The following KCNAB1 variants were observed in gnomAD, a reference collection of about 807,000 sequenced individuals.
KCNAB1 encodes the protein potassium voltage-gated channel subfamily A regulatory beta subunit 1.
In KCNAB1, 35 loss-of-function variants were observed where a neutral mutation model predicts 64.6. That is an observed-to-expected ratio of 0.54 (90% CI 0.41 to 0.72). The LOEUF (loss-of-function observed/expected upper bound fraction) is 0.72. KCNAB1 is among the 30% of genes least tolerant of loss of function. The pLI is 0.00. For synonymous variants in KCNAB1, 177 were observed against 183.8 expected, an observed-to-expected ratio of 0.96 and a Z score of 0.30; for missense variants, 401 against 512.9, an observed-to-expected ratio of 0.78 and a Z score of 2.11.
In KCNAB1 at chr3:156,344,760, T is replaced by G. The variant is rs910859523; in HGVS notation, c.276-76856T>G. 2.6e-5 allele frequency among the ~76,000 whole-genome samples: 4 copies of G among 152,258 alleles called. No homozygotes were observed. The South Asian group carries it at 8.3e-4, about 32-fold the overall frequency. On this transcript the variant is annotated intron_variant, in intron 1 of 13. Transcript: ENST00000490337. ...AGGAAAAAAATAAAAAGAAATAAACTGAGAGAATAGCATACAACTAAATGG... is the reference window on the plus strand; with the variant it reads ...AGGAAAAAAATAAAAAGAAATAAACGGAGAGAATAGCATACAACTAAATGG...
intron 12 of KCNAB1, 30 bp from the exon 13 acceptor site, chr3:156,531,379 A>G: frequency 6.5e-7 from 1 of 1,539,980 alleles, no homozygotes; most frequent in Non-Finnish European, 9.0e-7. Flanking sequence ...AAGTGCTTTG[A>G]TAAACTGACC....
intron 11 of KCNAB1, among the ~76,000 whole-genome samples, chr3:156,522,777 C>G (rs1718040643): frequency 6.6e-6 from 1 of 152,204 alleles, no homozygotes; most frequent in Admixed American, 6.5e-5. Context: ...TGGCCCACTG[C>G]CTGTTGCAGA....
intron 1 of KCNAB1, among the ~76,000 whole-genome samples, chr3:156,230,412 A>G (rs890365191): frequency 2.0e-5 from 3 of 152,214 alleles, no homozygotes; most frequent in Admixed American, 6.5e-5. Context: ...GGGCTATGCC[A>G]TTTAGGTCTG....
chr3:156,446,180 G>A lies in KCNAB1; in HGVS notation c.320-6719G>A, dbSNP rs141869038. ...AAGGCTCAGCCCATAGCTCAAAGGA[G>A]AACATGCTCACCAGGGTAATGACCT... On this transcript the variant is annotated intron_variant, in intron 2 of 13. Coordinates refer to ENST00000490337, the MANE Select transcript of KCNAB1 (RefSeq NM_172160.3). 1.2e-3 allele frequency: 181 copies of A among 152,278 alleles called. 1 individual carries two copies. Among genetic ancestry groups the A allele is most frequent in the African/African-American group, 4.0e-3 (167 of 41,548 alleles). The allele number at this position is 152,278 out of a possible 1,614,324, so 9.4% of individuals were successfully genotyped here.
At chr3:156,515,068 A>G (rs761354571) in intron 9 of KCNAB1, 32 bp from the exon 10 acceptor site, 6 of 1,577,578 alleles carry the variant, frequency 3.8e-6, no homozygotes, top group East Asian at 2.3e-5. Flanking sequence ...TCTCATCAGT[A>G]TAAATTTGGT....
intron 1 of KCNAB1, among the ~76,000 whole-genome samples, chr3:156,237,344 CAG>C (rs1052351458): frequency 1.4e-4 from 22 of 151,956 alleles, no homozygotes; most frequent in Non-Finnish European, 1.0e-4. Flanking sequence ...AGAAAGTAAA[CAG>C]GGTTTTTCAG....
intron 1 of KCNAB1, among the ~76,000 whole-genome samples, chr3:156,129,743 C>T (rs115297130): frequency 8.3e-4 from 126 of 152,314 alleles, no homozygotes; most frequent in African/African-American, 2.9e-3. Flanking sequence ...GCCATCAGGC[C>T]ATCTGTTATT....
chr3:156,311,535 C>A (rs1576709358), intron 1 of KCNAB1, among the ~76,000 whole-genome samples: 1 of 152,094 alleles, frequency 6.6e-6, no homozygotes, highest in African/African-American at 2.4e-5. Context: ...GACTAGTCTG[C>A]CTGGAGCAGA....
intron 5 of KCNAB1, among the ~76,000 whole-genome samples, chr3:156,460,879 T>C (rs1712849716): frequency 6.6e-6 from 1 of 152,120 alleles, no homozygotes; most frequent in Admixed American, 6.5e-5. Context: ...TAGGGCTGCT[T>C]ACTCCCCACT....
chr3:156,404,118 G>A (rs998127809), intron 1 of KCNAB1, among the ~76,000 whole-genome samples: 9 of 152,090 alleles, frequency 5.9e-5, no homozygotes, highest in African/African-American at 1.2e-4. Flanking sequence ...CTGTAAAAAC[G>A]TGTATATTGG....
chr3:156,120,587 C>T lies in KCNAB1; in HGVS notation c.-25C>T. On this transcript the variant is annotated 5_prime_UTR_variant, in exon 1 of 14. Coordinates refer to ENST00000490337, the MANE Select transcript of KCNAB1 (RefSeq NM_172160.3). ...AGATTACTTTGATGACAGTGACTTC[C>T]AGTCTTCTCTGAAAGATCTCCACGA... The T allele has an allele frequency of 6.2e-7, 1 of 1,612,852 alleles. No homozygotes were observed. Among genetic ancestry groups the T allele is most frequent in the Non-Finnish European group, 8.5e-7 (1 of 1,179,240 alleles).
intron 1 of KCNAB1, among the ~76,000 whole-genome samples, chr3:156,259,536 C>T (rs914776222): frequency 2.0e-5 from 3 of 152,156 alleles, no homozygotes; most frequent in African/African-American, 7.2e-5. Flanking sequence ...GAGAAACAAA[C>T]ACTCCTGAAC....
chr3:156,503,893 A>G (rs750268507), intron 8 of KCNAB1, among the ~76,000 whole-genome samples: 23 of 152,190 alleles, frequency 1.5e-4, no homozygotes, highest in Non-Finnish European at 3.4e-4. Context: ...AACATTTATC[A>G]TTTCTTTGTG....
intron 8 of KCNAB1, among the ~76,000 whole-genome samples, chr3:156,503,476 T>C (rs1716596728): frequency 6.6e-6 from 1 of 152,138 alleles, no homozygotes; most frequent in Admixed American, 6.5e-5. Flanking sequence ...TAAGAGGATA[T>C]AGCATCCCAT....
At chr3:156,157,408 T>A (rs1484629997) in intron 1 of KCNAB1, among the ~76,000 whole-genome samples, 1 of 152,172 alleles carries the variant, frequency 6.6e-6, no homozygotes, top group Non-Finnish European at 1.5e-5. Flanking sequence ...ATGATGATAC[T>A]TATAAAGCTG....
intron 1 of KCNAB1, among the ~76,000 whole-genome samples, chr3:156,131,943 T>C (rs1714023535): frequency 6.6e-6 from 1 of 152,142 alleles, no homozygotes; most frequent in Non-Finnish European, 1.5e-5. Context: ...GGGCCAGACC[T>C]GTAAGTGGTA....
At chr3:156,163,559 G>A (rs995003106) in intron 1 of KCNAB1, among the ~76,000 whole-genome samples, 5 of 152,244 alleles carry the variant, frequency 3.3e-5, no homozygotes, top group African/African-American at 4.8e-5. Context: ...ATGTCAGGGC[G>A]TACCTCACCT....
At chr3:156,182,093 T>C (rs924616635) in intron 1 of KCNAB1, among the ~76,000 whole-genome samples, 1 of 152,282 alleles carries the variant, frequency 6.6e-6, no homozygotes, top group East Asian at 1.9e-4. Context: ...TTAATAACTT[T>C]ATAATTATAT....
intron 1 of KCNAB1, among the ~76,000 whole-genome samples, chr3:156,331,754 A>G (rs1395954681): frequency 6.6e-6 from 1 of 152,124 alleles, no homozygotes; most frequent in African/African-American, 2.4e-5. Context: ...TATTTCCCAA[A>G]TTCTTTTAGA....
Sources: allele counts gnomAD v4.1 joint callset (sites outside exome capture counted in the v4.1 genomes callset), GRCh38; gene constraint gnomAD v4.1.1; transcripts MANE v1.5; gene names NCBI Gene and HGNC (gene_info 2026-07-23, HGNC 2026-07-21).